SOD2: variants seen among roughly 807,000 people sequenced by gnomAD.
SOD2 encodes the protein superoxide dismutase [Mn], mitochondrial.
A neutral mutation model predicts 27.0 loss-of-function variants in SOD2; 11 were observed. The ratio of observed to expected loss-of-function variants is 0.41; its 90% confidence interval spans 0.26 to 0.67. SOD2 has a LOEUF of 0.67. Among genes scored for constraint, SOD2 ranks in the 30% least tolerant of loss-of-function variants. The pLI, the probability that SOD2 is intolerant of heterozygous loss-of-function variation, is 0.34. For synonymous variants in SOD2, 105 were observed against 103.0 expected (o/e 1.02, Z -0.12); for missense variants, 250 against 274.5 (o/e 0.91, Z 0.63).
At position 159,675,711 on chromosome 6, in the gene SOD2, C is replaced by G. The variant is rs1230086421; in HGVS notation, c.*6782G>C. 1 of 152,180 alleles carries G rather than the reference C, an allele frequency of 6.6e-6. No individual in the cohort carries two copies. Among genetic ancestry groups the G allele is most frequent in the East Asian group, 1.9e-4 (1 of 5,190 alleles). The allele number at this position is 152,180 out of a possible 1,614,324, so 9.4% of individuals were successfully genotyped here. A position where few individuals can be genotyped will look rare whatever the true frequency, so the allele number is the denominator to read the frequency against. ...GGGCAAGGACTTCATGTCTAAAACA[C>G]CAAAAGCAATGGCAACAGAAGCCAA... On this transcript the variant is annotated 3_prime_UTR_variant, in exon 5 of 5. Transcript: ENST00000538183.
At chr6:159,761,981 G>C (rs780703893) in exon 1 of SOD2, 72 of 1,295,340 alleles carry the variant, frequency 5.6e-5, no homozygotes, top group Middle Eastern at 2.4e-4. Flanking sequence ...TGGAGGGCGA[G>C]GGGCGGGGCT....
intron 1 of SOD2, chr6:159,713,828 C>A (rs1777875609): frequency 1.8e-6 from 2 of 1,104,374 alleles, no homozygotes; most frequent in African/African-American, 1.5e-5. Flanking sequence ...AAATGCTTCA[C>A]CACTTGGTCT....
At chr6:159,689,889 GGCAGAGGTT>G (rs1261086535) in intron 2 of SOD2, among the ~76,000 whole-genome samples, 1 of 151,814 alleles carries the variant, frequency 6.6e-6, no homozygotes, top group Non-Finnish European at 1.5e-5. Flanking sequence ...GAACCCAGGA[GGCAGAGGTT>G]GCAGTGAACC....
intron 1 of SOD2, among the ~76,000 whole-genome samples, chr6:159,712,505 C>CACCTCCATAACCACCACTCAGCTGCTCTG: frequency 7.6e-6 from 1 of 131,448 alleles, no homozygotes; most frequent in East Asian, 2.1e-4. Context: ...CCTCCATAAC[C>CACCTCCATAACCACCACTCAGCTGCTCTG]ACCTCCATAA....
rs761831356 is a variant in SOD2 at position 159,755,302 on chromosome 6, G to A, written c.-336+5735C>T. The A allele has an allele frequency of 1.1e-5, 17 of 1,614,220 alleles. No homozygotes were observed. In the Admixed American group the frequency reaches 2.5e-4, roughly 24 times the overall value. On this transcript the variant is annotated intron_variant, in intron 1 of 7. Transcript: ENST00000546087. Reference sequence around the variant, plus strand: ...GGACGTCTGGGTCTGGATTTCACAGGGAGGGCAACACAACCGAAGATGACT... The same window carrying A: ...GGACGTCTGGGTCTGGATTTCACAGAGAGGGCAACACAACCGAAGATGACT...
At chr6:159,739,521 A>G (rs1233263312) in intron 1 of SOD2, among the ~76,000 whole-genome samples, 1 of 152,176 alleles carries the variant, frequency 6.6e-6, no homozygotes, top group Non-Finnish European at 1.5e-5. Flanking sequence ...TATCTTGTAA[A>G]TGTCTTACAA....
chr6:159,700,049 A>G (rs1269856301), intron 1 of SOD2, among the ~76,000 whole-genome samples: 1 of 152,228 alleles, frequency 6.6e-6, no homozygotes, highest in Admixed American at 6.5e-5. Flanking sequence ...AATTAGATAA[A>G]ATCGCATAAA....
chr6:159,709,079 C>G (rs533940320), intron 1 of SOD2, among the ~76,000 whole-genome samples: 5 of 152,304 alleles, frequency 3.3e-5, no homozygotes, highest in South Asian at 2.1e-4. Flanking sequence ...AAAGCTGAAA[C>G]TGGAACCCTT....
intron 1 of SOD2, among the ~76,000 whole-genome samples, chr6:159,714,616 T>G (rs370357323): frequency 2.6e-5 from 4 of 152,220 alleles, no homozygotes; most frequent in East Asian, 1.9e-4. Flanking sequence ...TTTTTCACTT[T>G]GTTGAAAAGG....
exon 1 of SOD2, chr6:159,762,172 C>T (rs1459593999): frequency 6.2e-7 from 1 of 1,600,588 alleles, no homozygotes; most frequent in Non-Finnish European, 8.5e-7. Context: ...CGCGCAGAGT[C>T]CGAGGCGCCT....
At chr6:159,706,990 A>C (rs1777639726) in intron 1 of SOD2, among the ~76,000 whole-genome samples, 1 of 152,242 alleles carries the variant, frequency 6.6e-6, no homozygotes, top group South Asian at 2.1e-4. Flanking sequence ...AACTTCATGG[A>C]AACTGAACAA....
chr6:159,759,687 C>A (rs563677284), intron 1 of SOD2, among the ~76,000 whole-genome samples: 25 of 151,238 alleles, frequency 1.7e-4, no homozygotes, highest in African/African-American at 5.4e-4. Context: ...AAAAAAAATT[C>A]CTCTTCTTTC....
At chr6:159,761,253 G>A (rs1409411470) in exon 1 of SOD2, 1 of 219,226 alleles carries the variant, frequency 4.6e-6, no homozygotes, top group Non-Finnish European at 9.6e-6. Context: ...TCATAAGCTT[G>A]CCTGGAAACC....
At chr6:159,740,106 A>G (rs1779160959) in intron 1 of SOD2, among the ~76,000 whole-genome samples, 1 of 151,778 alleles carries the variant, frequency 6.6e-6, no homozygotes. Context: ...TGGCCTCCCA[A>G]AGTGCTGGGA....
chr6:159,751,956 G>A (rs1360459352), intron 1 of SOD2, among the ~76,000 whole-genome samples: 10 of 151,788 alleles, frequency 6.6e-5, no homozygotes, highest in Admixed American at 4.6e-4. Context: ...CAGGTACTCC[G>A]GAGGCTGAGG....
At chr6:159,762,019 G>C (rs1256958000) in exon 1 of SOD2, 1 of 1,577,162 alleles carries the variant, frequency 6.3e-7, no homozygotes, top group Admixed American at 1.7e-5. Flanking sequence ...CGGCAGGCCT[G>C]TGGGCTGCGA....
upstream of SOD2, chr6:159,748,314 G>A: frequency 6.2e-7 from 1 of 1,614,028 alleles, no homozygotes; most frequent in Non-Finnish European, 8.5e-7. The surrounding 1 kb of genome is among the most constrained non-coding windows in gnomAD (Gnocchi z 5.6). Context: ...ACAGACTAAA[G>A]ACAAACTGGA....
At chr6:159,729,395 C>A (rs999806480), upstream of SOD2, among the ~76,000 whole-genome samples, 6 of 152,168 alleles carry the variant, frequency 3.9e-5, no homozygotes, top group African/African-American at 7.2e-5. Context: ...AAAAACTTTT[C>A]AGTATCTCCA....
chr6:159,692,674 C>T lies in SOD2; in HGVS notation c.213G>A (p.Glu71=). The T allele has an allele frequency of 6.2e-6, 10 of 1,614,024 alleles. No individual in the cohort carries two copies. Among genetic ancestry groups the T allele is most frequent in the Non-Finnish European group, 8.5e-6 (10 of 1,179,972 alleles). Residue 71 remains glutamate (E), a synonymous_variant, in exon 2 of 5, where the codon GAG becomes GAA. Transcript: ENST00000538183. ...NLNVTEEKYQ[E]ALAKGDVTAQ... Reference sequence around the variant, plus strand: ...CCTGGAACCTACCCTTGGCCAACGCCTCCTGGTACTTCTCCTCGGTGACGT... The same window carrying T: ...CCTGGAACCTACCCTTGGCCAACGCTTCCTGGTACTTCTCCTCGGTGACGT...
Sources: allele counts gnomAD v4.1 joint callset (sites outside exome capture counted in the v4.1 genomes callset), GRCh38; gene constraint gnomAD v4.1.1; non-coding constraint Gnocchi (gnomAD v3.1); transcripts MANE v1.5; gene names NCBI Gene and HGNC (gene_info 2026-07-23, HGNC 2026-07-21).